The following TIE1 variants were observed in gnomAD, a reference collection of about 807,000 sequenced individuals.
The protein encoded by TIE1 is tyrosine kinase with immunoglobulin like and EGF like domains 1, also known as tyrosine-protein kinase receptor Tie-1.
TIE1 carries 89 observed loss-of-function variants against 130.5 expected under a neutral mutation model. That is an observed-to-expected ratio of 0.68 (90% CI 0.57 to 0.81). The LOEUF (loss-of-function observed/expected upper bound fraction) is 0.81, where lower values mean the gene tolerates loss of function less well. Ranked by LOEUF, TIE1 falls within the 40% of genes least tolerant of loss-of-function variation. The pLI is 0.00. For missense variants in TIE1, 1,392 were observed against 1,559.8 expected, an observed-to-expected ratio of 0.89 and a Z score of 1.81; for synonymous variants, 568 against 629.4, an observed-to-expected ratio of 0.90 and a Z score of 1.46.
At chr1:43,311,923 G>A in intron 10 of TIE1, 71 bp from the exon 11 acceptor site, 1 of 1,567,244 alleles carries the variant, frequency 6.4e-7, no homozygotes, top group Non-Finnish European at 8.7e-7. Context: ...GTGCGAGGGG[G>A]CTGAAGGGAG....
chr1:43,317,634 C>A lies in TIE1; in HGVS notation c.2691C>A (p.His897Gln). ...ELEVLCKLGH[H>Q]PNIINLLGAC... ...AAGTTCTGTGCAAATTGGGGCATCACCCCAACATCATCAACCTCCTGGGGG... is the reference window on the plus strand; with the variant it reads ...AAGTTCTGTGCAAATTGGGGCATCAACCCAACATCATCAACCTCCTGGGGG... Residue 897 changes from histidine to glutamine, a missense_variant, in exon 16 of 23, where the codon CAC (histidine) becomes CAA (glutamine). Physicochemically the swap from His to Gln is conservative, Grantham distance 24. Around this residue, in one of 6 missense-constraint regions of TIE1, gnomAD observed 286 missense variants for 354.4 expected, o/e 0.81. Transcript: ENST00000372476. This position sits in a 1 kb window ranked among gnomAD's most constrained non-coding sequence, Gnocchi z 5.1. The A allele has an allele frequency of 6.2e-7, 1 of 1,605,602 alleles. No homozygotes were observed.
At position 43,306,226 on chromosome 1, in the gene TIE1, C is replaced by T. The variant is rs369732818; in HGVS notation, c.485-614C>T. Among the ~76,000 whole-genome samples, 8 of 152,288 alleles carry T rather than the reference C, an allele frequency of 5.3e-5. No homozygotes were observed. The highest frequency in any genetic ancestry group is 1.9e-4 in the African/African-American group (8 of 41,560). On this transcript the variant is annotated intron_variant, in intron 3 of 22. Transcript: ENST00000372476. The surrounding 1 kb of genome is among the most constrained non-coding windows in gnomAD (Gnocchi z 4.9). ...AGAAGGCAGAAAAGGAAGGAAGGGCCTTCCAGGAGGAGGGACTGAGAAGAG... is the reference window on the plus strand; with the variant it reads ...AGAAGGCAGAAAAGGAAGGAAGGGCTTTCCAGGAGGAGGGACTGAGAAGAG...
In TIE1 at chr1:43,309,105, C is replaced by A; in HGVS notation, c.1162C>A (p.Arg388Ser). Residue 388 changes from arginine to serine, a missense_variant, in exon 8 of 23, where the codon CGC becomes AGC. Around this residue, in one of 6 missense-constraint regions of TIE1, gnomAD observed 551 missense variants for 565.5 expected, o/e 0.97. Transcript: ENST00000372476. The surrounding 1 kb of genome is among the most constrained non-coding windows in gnomAD (Gnocchi z 6.3). ...CCCCGTGCGGGGCAGCATAGAGCTA[C>A]GCAAGCCAGACGGCACTGTGCTCCT... is the stretch of plus-strand genomic sequence containing the variant. Reference protein sequence around the residue: ...PFPVRGSIELRKPDGTVLLST... With the variant: ...PFPVRGSIELSKPDGTVLLST... The A allele has an allele frequency of 6.2e-7, 1 of 1,608,594 alleles. No individual in the cohort carries two copies.
rs933603582 is a variant in TIE1, at chr1:43,313,571, C to G, written c.2218+146C>G. The G allele has an allele frequency of 3.5e-6, 4 of 1,151,358 alleles. No individual in the cohort carries two copies. The South Asian group carries it at 4.7e-5, about 13-fold the overall frequency. The allele number at this position is 1,151,358 out of a possible 1,614,324, so 71.3% of individuals were successfully genotyped here. On this transcript the variant is annotated intron_variant, in intron 13 of 22. Transcript: ENST00000372476. This position sits in a 1 kb window ranked among gnomAD's most constrained non-coding sequence, Gnocchi z 6.2. ...TCAGCCCCAGTCCTGGGGACTCAGCCTTCCATTCTCATGATCCACTGTCCC... is the reference window on the plus strand; with the variant it reads ...TCAGCCCCAGTCCTGGGGACTCAGCGTTCCATTCTCATGATCCACTGTCCC...
intron 1 of TIE1, among the ~76,000 whole-genome samples, chr1:43,304,610 G>A (rs551033157): frequency 1.3e-5 from 2 of 152,252 alleles, no homozygotes; most frequent in South Asian, 4.1e-4. Context: ...CTTTTAGAAT[G>A]AAGAGACTTG....
Position 43,309,123 on chromosome 1 carries a change from G to C in TIE1, c.1180G>C (p.Val394Leu), listed in dbSNP as rs763892049. The C allele has an allele frequency of 6.3e-7, 1 of 1,594,696 alleles. No individual in the cohort carries two copies. The highest frequency in any genetic ancestry group is 8.6e-7 in the Non-Finnish European group (1 of 1,167,448). The part of the protein sequence containing the change: ...SIELRKPDGT[V>L]LLSTKAIVEP... ...AGAGCTACGCAAGCCAGACGGCACT[G>C]TGCTCCTGGTCAGCCCCCAATCACC... The change falls in exon 8 of 23, where the codon GTG (valine) becomes CTG (leucine). Residue 394 changes from valine (V) to leucine (L), a missense_variant. Physicochemically the swap from Val to Leu is conservative, Grantham distance 32. Transcript: ENST00000372476. The surrounding 1 kb of genome is among the most constrained non-coding windows in gnomAD (Gnocchi z 6.3).
At chr1:43,321,845 G>C (rs1646924025) in intron 22 of TIE1, 130 bp downstream of exon 22, 1 of 823,116 alleles carries the variant, frequency 1.2e-6, no homozygotes, top group Non-Finnish European at 1.9e-6. Context: ...CTGTCACCAC[G>C]GCTAGGCTGG....
chr1:43,314,543 AG>A (rs1013008664), intron 14 of TIE1: 2 of 998,506 alleles, frequency 2.0e-6, no homozygotes, highest in African/African-American at 3.5e-5. Context: ...GACTTAAGAA[AG>A]GGGCTGGGCA....
At position 43,307,821 on chromosome 1, in the gene TIE1, T is replaced by C. The variant is rs759938741; in HGVS notation, c.939T>C (p.Ala313=). The part of the protein sequence containing the change: ...QEACAPGHFG[A]DCRLQCQCQN... ...CTTGTGCCCCTGGTCATTTTGGGGC[T>C]GATTGCCGACTCCAGTGCCAGTGTC... The change falls in exon 7 of 23, where the codon GCT becomes GCC. Residue 313 remains alanine (A), a synonymous_variant. Transcript: ENST00000372476. This position sits in a 1 kb window ranked among gnomAD's most constrained non-coding sequence, Gnocchi z 5.4. 1.9e-6 allele frequency: 3 copies of C among 1,614,186 alleles called. No individual in the cohort carries two copies. The highest frequency in any genetic ancestry group is 2.5e-6 in the Non-Finnish European group (3 of 1,180,026).
intron 1 of TIE1, 67 bp downstream of exon 1, chr1:43,301,196 C>A (rs938367353): frequency 1.3e-6 from 2 of 1,545,910 alleles, no homozygotes; most frequent in South Asian, 1.2e-5. Flanking sequence ...CCCAAGAAAC[C>A]CTATTTTATC....
At position 43,311,723 on chromosome 1, in the gene TIE1, G is replaced by A. The variant is rs1446774620; in HGVS notation, c.1386G>A (p.Gln462=). ...GGCTCCTGACCAAGCAGAGCCGCCAGCTTGTGGTCTCCCCGCTGGTCTCGT... is the reference window on the plus strand; with the variant it reads ...GGCTCCTGACCAAGCAGAGCCGCCAACTTGTGGTCTCCCCGCTGGTCTCGT... ...APRLLTKQSR[Q]LVVSPLVSFS... Residue 462 remains glutamine, a synonymous_variant, in exon 10 of 23, where the codon CAG becomes CAA. Coordinates refer to ENST00000372476, the MANE Select transcript of TIE1 (RefSeq NM_005424.5). The A allele has an allele frequency of 6.2e-7, 1 of 1,614,082 alleles. No individual in the cohort carries two copies. Among genetic ancestry groups the A allele is most frequent in the Non-Finnish European group, 8.5e-7 (1 of 1,180,018 alleles).
rs893578662 is a variant in TIE1 at position 43,307,943 on chromosome 1, C to T, written c.1042+19C>T. 5 of 1,612,916 alleles carry T rather than the reference C, an allele frequency of 3.1e-6. No individual in the cohort carries two copies. In the African/African-American group the frequency reaches 6.7e-5, roughly 22 times the overall value. ...AAGTCAGGTATAAGCACTATGACCT[C>T]TGAGAGCCCCCCAAGATAAGTCGGC... On this transcript the variant is annotated intron_variant, in intron 7 of 22. Coordinates refer to ENST00000372476, the MANE Select transcript of TIE1 (RefSeq NM_005424.5). This position sits in a 1 kb window ranked among gnomAD's most constrained non-coding sequence, Gnocchi z 5.4.
At chr1:43,305,450 C>A in intron 3 of TIE1, 107 bp downstream of exon 3, 2 of 988,882 alleles carry the variant, frequency 2.0e-6, no homozygotes, top group African/African-American at 3.3e-5. Flanking sequence ...ACACACCCGA[C>A]CTCCAGGGCC....
In TIE1 at chr1:43,311,715, A is replaced by C. The variant is rs143947260; in HGVS notation, c.1378A>C (p.Ser460Arg). 1.9e-6 allele frequency: 3 copies of C among 1,613,834 alleles called. No individual in the cohort carries two copies. Among genetic ancestry groups the C allele is most frequent in the Non-Finnish European group, 2.5e-6 (3 of 1,179,976 alleles). Residue 460 changes from serine (S) to arginine (R), a missense_variant, in exon 10 of 23, where the codon AGC becomes CGC. Physicochemically the swap from Ser to Arg is moderately radical, Grantham distance 110. Coordinates refer to ENST00000372476, the MANE Select transcript of TIE1 (RefSeq NM_005424.5). ...LAAPRLLTKQ[S>R]RQLVVSPLVS... ...TGCACCTCGGCTCCTGACCAAGCAG[A>C]GCCGCCAGCTTGTGGTCTCCCCGCT...
chr1:43,303,913 C>G (rs995960088), intron 1 of TIE1, among the ~76,000 whole-genome samples: 1 of 152,184 alleles, frequency 6.6e-6, no homozygotes, highest in South Asian at 2.1e-4. Flanking sequence ...TCTCTGTGCT[C>G]AAAAGCACAG....
In TIE1 at chr1:43,312,565, G is replaced by T; in HGVS notation, c.1891G>T (p.Ala631Ser). 6.2e-7 allele frequency: 1 copy of T among 1,612,098 alleles called. No individual in the cohort carries two copies. The highest frequency in any genetic ancestry group is 8.5e-7 in the Non-Finnish European group (1 of 1,179,304). ...QLYHCTLLGP[A>S]SPPAHVLLPP... ...CTACCACTGCACCCTCCTGGGCCCG[G>T]CCTCGCCCCCTGCACACGTGCTTCT... Residue 631 changes from alanine (A) to serine (S), a missense_variant, in exon 12 of 23, where the codon GCC becomes TCC. This residue lies in a region of TIE1 where 551 missense variants were observed against 565.5 expected (regional missense o/e 0.97). Transcript: ENST00000372476. This position sits in a 1 kb window ranked among gnomAD's most constrained non-coding sequence, Gnocchi z 5.6.
chr1:43,309,378 T>G lies in TIE1; in HGVS notation c.1189-10T>G. On this transcript the variant is annotated splice_polypyrimidine_tract_variant and intron_variant, in intron 8 of 22. Coordinates refer to ENST00000372476, the MANE Select transcript of TIE1 (RefSeq NM_005424.5). This position sits in a 1 kb window ranked among gnomAD's most constrained non-coding sequence, Gnocchi z 6.3. ...CCCTGTGACCTGTCCCCTTCCCCCATCTCTTTTAGTCCACCAAGGCCATTG... is the reference window on the plus strand; with the variant it reads ...CCCTGTGACCTGTCCCCTTCCCCCAGCTCTTTTAGTCCACCAAGGCCATTG... The G allele has an allele frequency of 6.4e-7, 1 of 1,574,010 alleles. No individual in the cohort carries two copies. The highest frequency in any genetic ancestry group is 8.6e-7 in the Non-Finnish European group (1 of 1,163,518).
rs750898235 is a variant in TIE1 at position 43,317,171 on chromosome 1, G to T, written c.2410-28G>T. The T allele has an allele frequency of 6.2e-7, 1 of 1,611,656 alleles. No individual in the cohort carries two copies. The highest frequency in any genetic ancestry group is 1.1e-5 in the South Asian group (1 of 91,020). ...GCCCCCTTTGACTCTTGCGTGGACC[G>T]TCTGCCCTCTTGTCTCATCCTGTGA... On this transcript the variant is annotated intron_variant, in intron 14 of 22. Coordinates refer to ENST00000372476, the MANE Select transcript of TIE1 (RefSeq NM_005424.5). The surrounding 1 kb of genome is among the most constrained non-coding windows in gnomAD (Gnocchi z 5.1).
rs1027893541 is a variant in TIE1, at chr1:43,316,114, G to A, written c.2410-1085G>A. 2.6e-5 allele frequency among the ~76,000 whole-genome samples: 4 copies of A among 152,174 alleles called. No homozygotes were observed. The highest frequency in any genetic ancestry group is 7.2e-5 in the African/African-American group (3 of 41,444). ...ATGTGCCTGCATATGGATAGGAAAC[G>A]TGTGTGCACAAATGTGTGTGCTCCA... is the stretch of plus-strand genomic sequence containing the variant. On this transcript the variant is annotated intron_variant, in intron 14 of 22. Coordinates refer to ENST00000372476, the MANE Select transcript of TIE1 (RefSeq NM_005424.5). This position sits in a 1 kb window ranked among gnomAD's most constrained non-coding sequence, Gnocchi z 4.4.
Sources: allele counts gnomAD v4.1 joint callset (sites outside exome capture counted in the v4.1 genomes callset), GRCh38; gene constraint gnomAD v4.1.1; regional missense constraint gnomAD v4.1.1; non-coding constraint Gnocchi (gnomAD v3.1); transcripts MANE v1.5; gene names NCBI Gene and HGNC (gene_info 2026-07-23, HGNC 2026-07-21).